Variants in HTR1E observed in about 807,000 individuals in gnomAD.
HTR1E encodes 5-HT-1E.
HTR1E carries 3 observed loss-of-function variants against 3.4 expected under a neutral mutation model. That is an observed-to-expected ratio of 0.89 (90% CI 0.41 to 2.31). HTR1E has a LOEUF of 2.31. Ranked by LOEUF, HTR1E falls within the 30% of genes most tolerant of loss-of-function variation. HTR1E has a pLI of 0.05. For missense variants in HTR1E, 392 were observed against 467.0 expected (o/e 0.84, Z 1.48); for synonymous variants, 170 against 182.8 (o/e 0.93, Z 0.56).
chr6:87,005,628 A>C (rs1768091417), intron 1 of HTR1E, among the ~76,000 whole-genome samples: 1 of 152,216 alleles, frequency 6.6e-6, no homozygotes, highest in Non-Finnish European at 1.5e-5. Context: ...ACCTCAAACT[A>C]TGAAACTACA....
chr6:86,945,628 A>AT (rs1768605369), intron 1 of HTR1E, among the ~76,000 whole-genome samples: 1 of 152,184 alleles, frequency 6.6e-6, no homozygotes, highest in Admixed American at 6.5e-5. Flanking sequence ...TAATGAGAAT[A>AT]TTTTTGTATA....
At chr6:86,993,816 G>T (rs1022224644) in intron 1 of HTR1E, among the ~76,000 whole-genome samples, 2 of 147,118 alleles carry the variant, frequency 1.4e-5, no homozygotes, top group Admixed American at 1.4e-4. Context: ...ACTTAAATGA[G>T]AAAAAAAAAA....
chr6:86,977,887 T>C (rs1391622484), intron 1 of HTR1E, among the ~76,000 whole-genome samples: 1 of 152,188 alleles, frequency 6.6e-6, no homozygotes, highest in Non-Finnish European at 1.5e-5. Context: ...TAATATCCTT[T>C]GCCCATTTTT....
At chr6:86,946,197 G>A (rs147865766) in intron 1 of HTR1E, among the ~76,000 whole-genome samples, 138 of 152,200 alleles carry the variant, frequency 9.1e-4, no homozygotes, top group African/African-American at 3.1e-3. Flanking sequence ...CTTCATATTC[G>A]CTCAACACTG....
Position 86,992,754 on chromosome 6 carries a change from G to A in HTR1E, c.-185-22396G>A, listed in dbSNP as rs759343487. On this transcript the variant is annotated intron_variant, in intron 1 of 1. Transcript: ENST00000305344. ...ATTCTCTCTATAAATGTGTAAGGTA[G>A]GTATAATTATCCTCATTTTTCAAAT... 2.0e-5 allele frequency among the ~76,000 whole-genome samples: 3 copies of A among 152,082 alleles called. No individual in the cohort carries two copies. The South Asian group carries it at 6.2e-4, about 31-fold the overall frequency.
At chr6:86,941,989 A>T (rs1356370224) in intron 1 of HTR1E, among the ~76,000 whole-genome samples, 1 of 152,190 alleles carries the variant, frequency 6.6e-6, no homozygotes, top group Non-Finnish European at 1.5e-5. Flanking sequence ...ATTCAAGGGG[A>T]TACATAAAAA....
chr6:87,005,674 G>A (rs1768092662), intron 1 of HTR1E, among the ~76,000 whole-genome samples: 1 of 152,228 alleles, frequency 6.6e-6, no homozygotes, highest in South Asian at 2.1e-4. Flanking sequence ...CAAGACATTA[G>A]TCTGGACAAA....
At chr6:86,975,450 T>G (rs977146302) in intron 1 of HTR1E, among the ~76,000 whole-genome samples, 2 of 152,110 alleles carry the variant, frequency 1.3e-5, no homozygotes, top group African/African-American at 4.8e-5. Flanking sequence ...CTGAAACCCA[T>G]GTTCAAGTCA....
chr6:86,961,001 T>G (rs894490523), intron 1 of HTR1E, among the ~76,000 whole-genome samples: 1 of 152,266 alleles, frequency 6.6e-6, no homozygotes, highest in Non-Finnish European at 1.5e-5. Flanking sequence ...ATATACTGTA[T>G]GTTTATCTAA....
chr6:86,959,850 C>T (rs752160543), intron 1 of HTR1E, among the ~76,000 whole-genome samples: 1 of 152,108 alleles, frequency 6.6e-6, no homozygotes, highest in Non-Finnish European at 1.5e-5. Context: ...ATCAGCCAAG[C>T]GCATATAGAT....
intron 1 of HTR1E, among the ~76,000 whole-genome samples, chr6:86,968,211 G>C (rs945680685): frequency 1.3e-5 from 2 of 152,070 alleles, no homozygotes; most frequent in Non-Finnish European, 2.9e-5. Flanking sequence ...TGTTATTAAA[G>C]CATATTTATA....
chr6:87,010,138 G>T (rs1768188669), intron 1 of HTR1E, among the ~76,000 whole-genome samples: 2 of 129,340 alleles, frequency 1.5e-5, no homozygotes, highest in Non-Finnish European at 3.3e-5. Flanking sequence ...GGGCGGCCGG[G>T]CAGAGGCGCC....
At chr6:86,945,944 G>A (rs1046226384) in intron 1 of HTR1E, among the ~76,000 whole-genome samples, 5 of 151,988 alleles carry the variant, frequency 3.3e-5, no homozygotes. Flanking sequence ...TCACTATGTT[G>A]GCCAGGCTGG....
intron 1 of HTR1E, among the ~76,000 whole-genome samples, chr6:86,998,634 T>G (rs1399216102): frequency 6.6e-6 from 1 of 152,138 alleles, no homozygotes; most frequent in Non-Finnish European, 1.5e-5. Flanking sequence ...TGTTTTAAAC[T>G]AATTATCTTA....
intron 1 of HTR1E, among the ~76,000 whole-genome samples, chr6:86,950,618 A>G (rs1013774717): frequency 6.6e-6 from 1 of 152,260 alleles, no homozygotes; most frequent in African/African-American, 2.4e-5. Flanking sequence ...GAGAAAATGT[A>G]TGCAATATTC....
In HTR1E at chr6:87,015,462, T is replaced by TGATCATG; in HGVS notation, c.130_136dup (p.Ala46AspfsTer53). 6.2e-7 allele frequency: 1 copy of TGATCATG among 1,614,080 alleles called. No individual in the cohort carries two copies. Among genetic ancestry groups the TGATCATG allele is most frequent in the Non-Finnish European group, 8.5e-7 (1 of 1,179,972 alleles). On this transcript the variant is annotated frameshift_variant, in exon 2 of 2. Transcript: ENST00000305344. LOFTEE classifies it low-confidence loss of function (END_TRUNC). ...CTCACCACGTTGCTGAACTTGGCTG[T>TGATCATG]GATCATGGCTATTGGCACCACCAAG... is the stretch of plus-strand genomic sequence containing the variant.
chr6:86,945,804 C>T (rs1320659939), intron 1 of HTR1E, among the ~76,000 whole-genome samples: 4 of 151,686 alleles, frequency 2.6e-5, no homozygotes, highest in African/African-American at 4.8e-5. Context: ...GCGTGGTGAT[C>T]CCAGTTCACT....
At chr6:86,983,747 T>C (rs1450610674) in intron 1 of HTR1E, among the ~76,000 whole-genome samples, 1 of 152,178 alleles carries the variant, frequency 6.6e-6, no homozygotes, top group African/African-American at 2.4e-5. Flanking sequence ...TTATACATCA[T>C]ATGCATGTAT....
chr6:87,010,041 T>C (rs1349320209), intron 1 of HTR1E, among the ~76,000 whole-genome samples: 34 of 77,468 alleles, frequency 4.4e-4, no homozygotes, highest in Middle Eastern at 0.014. Flanking sequence ...CCGGACGGGG[T>C]GGCTGGCCAG....
Sources: gnomAD v4.1 joint callset for allele counts (sites outside exome capture counted in the v4.1 genomes callset) on GRCh38, gnomAD v4.1.1 for gene constraint, MANE v1.5 for transcripts, NCBI Gene and HGNC (gene_info 2026-07-23, HGNC 2026-07-21) for gene names.